The following SCN10A variants were observed in gnomAD, a reference collection of about 807,000 sequenced individuals.
SCN10A encodes sodium channel protein type 10 subunit alpha.
Under a neutral mutation model 170.7 loss-of-function variants are expected in SCN10A, and 162 were observed. The ratio of observed to expected loss-of-function variants is 0.95; its 90% CI spans 0.84 to 1.08. The LOEUF is 1.08. SCN10A is among the 50% of genes least tolerant of loss of function. SCN10A has a pLI of 0.00. For missense variants in SCN10A, 2,527 were observed against 2,436.9 expected, an observed-to-expected ratio of 1.04 and a Z score of -0.78; for synonymous variants, 985 against 904.6, an observed-to-expected ratio of 1.09 and a Z score of -1.59.
intron 15 of SCN10A, among the ~76,000 whole-genome samples, chr3:38,733,779 G>C (rs2063533460): frequency 6.6e-6 from 1 of 151,932 alleles, no homozygotes; most frequent in South Asian, 2.1e-4. Context: ...GGAGTGCAAT[G>C]GTGCAATCTC....
intron 20 of SCN10A, 90 bp downstream of exon 20, chr3:38,722,167 AG>A: frequency 7.8e-7 from 1 of 1,286,604 alleles, no homozygotes; most frequent in Non-Finnish European, 1.1e-6. Context: ...CTCAGTAGTC[AG>A]GAGAACCCAC....
chr3:38,779,027 G>A (rs1416565757), intron 4 of SCN10A, among the ~76,000 whole-genome samples: 7 of 151,976 alleles, frequency 4.6e-5, no homozygotes, highest in African/African-American at 1.2e-4. Flanking sequence ...TTTGGAAGAC[G>A]ATTTGGCAAT....
intron 4 of SCN10A, among the ~76,000 whole-genome samples, chr3:38,779,101 A>G (rs1301052274): frequency 6.6e-6 from 1 of 150,770 alleles, no homozygotes; most frequent in Non-Finnish European, 1.5e-5. Context: ...ATTCATCCTT[A>G]ATTTTACTCA....
intron 3 of SCN10A, among the ~76,000 whole-genome samples, chr3:38,791,177 A>G (rs1359922821): frequency 6.6e-6 from 1 of 152,182 alleles, no homozygotes; most frequent in Admixed American, 6.5e-5. Flanking sequence ...GTATTCTTGT[A>G]CATCAACCTC....
intron 15 of SCN10A, among the ~76,000 whole-genome samples, chr3:38,730,313 G>T (rs978471388): frequency 1.3e-5 from 2 of 152,162 alleles, no homozygotes; most frequent in African/African-American, 4.8e-5. Flanking sequence ...GATTTTATCT[G>T]GAATTCACAC....
chr3:38,738,376 A>T (rs761976295), intron 15 of SCN10A, among the ~76,000 whole-genome samples: 1 of 152,112 alleles, frequency 6.6e-6, no homozygotes, highest in Non-Finnish European at 1.5e-5. Flanking sequence ...GGCTGGCTCT[A>T]TGTCACTGCA....
chr3:38,744,682 G>A (rs1368947276), intron 13 of SCN10A, among the ~76,000 whole-genome samples: 1 of 151,764 alleles, frequency 6.6e-6, no homozygotes, highest in African/African-American at 2.4e-5. Flanking sequence ...TGGTGCATTT[G>A]AAATTTATTT....
At chr3:38,720,721 AG>A (rs2063381309) in intron 20 of SCN10A, among the ~76,000 whole-genome samples, 1 of 151,932 alleles carries the variant, frequency 6.6e-6, no homozygotes, top group Non-Finnish European at 1.5e-5. Flanking sequence ...TGTGAAGAGA[AG>A]GGGGCTAGAG....
At chr3:38,804,015 T>G (rs903799298) in intron 1 of SCN10A, among the ~76,000 whole-genome samples, 1 of 152,136 alleles carries the variant, frequency 6.6e-6, no homozygotes, top group African/African-American at 2.4e-5. Context: ...TCTTCTTAAC[T>G]TATCTCACTG....
chr3:38,731,822 A>G (rs1206186873), intron 15 of SCN10A, among the ~76,000 whole-genome samples: 1 of 152,218 alleles, frequency 6.6e-6, no homozygotes, highest in East Asian at 1.9e-4. Flanking sequence ...CCTTCCACCA[A>G]TCACCTGCAA....
At chr3:38,781,492 A>G (rs2064138389) in intron 4 of SCN10A, among the ~76,000 whole-genome samples, 2 of 152,126 alleles carry the variant, frequency 1.3e-5, no homozygotes, top group African/African-American at 4.8e-5. Context: ...AAGTTGAATG[A>G]ATTGGGCTAT....
At chr3:38,790,200 A>G (rs967376593) in intron 3 of SCN10A, among the ~76,000 whole-genome samples, 7 of 152,274 alleles carry the variant, frequency 4.6e-5, no homozygotes, top group African/African-American at 1.7e-4. Context: ...TAAAAGTAAT[A>G]TATCTTATGT....
At chr3:38,805,258 G>T (rs541188102) in intron 1 of SCN10A, among the ~76,000 whole-genome samples, 1 of 152,138 alleles carries the variant, frequency 6.6e-6, no homozygotes, top group Non-Finnish European at 1.5e-5. Flanking sequence ...CTGGGTGAAA[G>T]TGTGACTGAG....
In SCN10A at chr3:38,723,368, G is replaced by A. The variant is rs548434418; in HGVS notation, c.3352+62C>T. 4.1e-5 allele frequency: 66 copies of A among 1,591,636 alleles called. No homozygotes were observed. The East Asian group carries it at 4.5e-4, about 11-fold the overall frequency. ...TTCTGTGGATCCCAGGTGAGTGTTC[G>A]CTCAACTGGATTCTGGCCCTAATTA... On this transcript the variant is annotated intron_variant, in intron 19 of 27. Transcript: ENST00000449082.
Position 38,697,710 on chromosome 3 carries a change from G to T in SCN10A, c.5510C>A (p.Ser1837Ter). Residue 1837 changes from serine (S) to a stop codon, truncating the protein, a stop_gained, in exon 28 of 28, where the codon TCA becomes TAA. Coordinates refer to ENST00000449082, the MANE Select transcript of SCN10A (RefSeq NM_006514.4). LOFTEE classifies it low-confidence loss of function (END_TRUNC). Reference sequence around the variant, plus strand: ...AGTGGTTGCTATTGGTTCATAGGATGATTTTGAAAGATTAGTTGCCATAAA... The same window carrying T: ...AGTGGTTGCTATTGGTTCATAGGATTATTTTGAAAGATTAGTTGCCATAAA... The part of the protein sequence containing the change: ...EKFMATNLSK[S>*]SYEPIATTLR... 1 of 1,614,122 alleles carries T rather than the reference G, an allele frequency of 6.2e-7. No homozygotes were observed. The highest frequency in any genetic ancestry group is 2.2e-5 in the East Asian group (1 of 44,876).
At chr3:38,773,255 C>T (rs2064030954) in intron 4 of SCN10A, among the ~76,000 whole-genome samples, 1 of 152,046 alleles carries the variant, frequency 6.6e-6, no homozygotes. Context: ...TCACTTGAAC[C>T]CAGGAGTTTG....
chr3:38,768,815 A>T (rs1164766117), intron 5 of SCN10A, among the ~76,000 whole-genome samples: 1 of 152,132 alleles, frequency 6.6e-6, no homozygotes, highest in East Asian at 1.9e-4. Context: ...AAGGCCAGGG[A>T]AGTTTTCCTC....
In SCN10A at chr3:38,712,364, TGAAGATGAGCCA is replaced by T; in HGVS notation, c.3874_3885del (p.Trp1292_Phe1295del). 1.9e-6 allele frequency: 3 copies of T among 1,614,168 alleles called. No individual in the cohort carries two copies. Among genetic ancestry groups the T allele is most frequent in the South Asian group, 1.1e-5 (1 of 91,080 alleles). ...GCGAAGAGGTTCACACCCATGATGCTGAAGATGAGCCAGAAGATGAGGCAGACGAGGAGGACA... is the reference window on the plus strand; with the variant it reads ...GCGAAGAGGTTCACACCCATGATGCTGAAGATGAGGCAGACGAGGAGGACA... On this transcript the variant is annotated inframe_deletion, in exon 23 of 28. Coordinates refer to ENST00000449082, the MANE Select transcript of SCN10A (RefSeq NM_006514.4).
intron 8 of SCN10A, among the ~76,000 whole-genome samples, 160 bp from the exon 9 acceptor site, chr3:38,757,319 G>T (rs1297459293): frequency 6.6e-6 from 1 of 152,150 alleles, no homozygotes; most frequent in African/African-American, 2.4e-5. Context: ...TTTAGGTATT[G>T]GTTTCTGTTA....
Sources: gnomAD v4.1 joint callset for allele counts (sites outside exome capture counted in the v4.1 genomes callset) on GRCh38, gnomAD v4.1.1 for gene constraint, MANE v1.5 for transcripts, NCBI Gene and HGNC (gene_info 2026-07-23, HGNC 2026-07-21) for gene names.